The following THSD7B variants were observed in gnomAD, a reference collection of about 807,000 sequenced individuals.
THSD7B encodes the protein thrombospondin type-1 domain-containing protein 7B.
A neutral mutation model predicts 213.6 loss-of-function variants in THSD7B; 138 were observed. The observed-to-expected ratio is 0.65, with a 90% CI of 0.56 to 0.74. THSD7B has a LOEUF of 0.74. Ranked by LOEUF, THSD7B falls within the 30% of genes least tolerant of loss-of-function variation. THSD7B has a pLI of 0.00. For synonymous variants in THSD7B, 742 were observed against 687.0 expected (o/e 1.08, Z -1.25); for missense variants, 1,931 against 1,991.5 (o/e 0.97, Z 0.58).
At chr2:137,431,017 A>G (rs1687169512) in intron 14 of THSD7B, among the ~76,000 whole-genome samples, 1 of 152,224 alleles carries the variant, frequency 6.6e-6, no homozygotes. Context: ...GTCAAACTCT[A>G]TAAAATATTT....
chr2:136,981,463 G>T (rs773233965), intron 2 of THSD7B, among the ~76,000 whole-genome samples: 1 of 152,076 alleles, frequency 6.6e-6, no homozygotes, highest in Non-Finnish European at 1.5e-5. Flanking sequence ...TTTGCATTTT[G>T]CTCATCATTA....
At chr2:136,783,199 A>G (rs2710169) in intron 1 of THSD7B, among the ~76,000 whole-genome samples, 1,938 of 152,262 alleles carry the variant, frequency 0.013, 47 homozygotes, top group African/African-American at 0.043. Context: ...GTCCATTCTC[A>G]TCTTGTTTTC....
chr2:137,574,366 T>G (rs1262895353), intron 17 of THSD7B, among the ~76,000 whole-genome samples: 4 of 152,112 alleles, frequency 2.6e-5, no homozygotes, highest in Admixed American at 2.6e-4. Context: ...CCTCCTTTCA[T>G]GTGTCAGAAA....
intron 17 of THSD7B, among the ~76,000 whole-genome samples, chr2:137,586,229 C>A (rs1681723308): frequency 6.6e-6 from 1 of 152,140 alleles, no homozygotes; most frequent in Non-Finnish European, 1.5e-5. Context: ...CTATGTGTGT[C>A]CCTGCACATG....
At chr2:136,872,814 C>A (rs138957380) in intron 1 of THSD7B, among the ~76,000 whole-genome samples, 196 of 65,542 alleles carry the variant, frequency 3.0e-3, no homozygotes, top group Admixed American at 3.2e-3. Context: ...ACTGAAAATA[C>A]AAAAAAAAAA....
chr2:137,025,794 G>A (rs1355913862), intron 2 of THSD7B, among the ~76,000 whole-genome samples: 1 of 152,008 alleles, frequency 6.6e-6, no homozygotes, highest in African/African-American at 2.4e-5. Flanking sequence ...AGGAGATTGG[G>A]GGTAATAGGG....
At chr2:137,062,973 G>C (rs562115574) in intron 3 of THSD7B, among the ~76,000 whole-genome samples, 3 of 151,874 alleles carry the variant, frequency 2.0e-5, no homozygotes, top group Non-Finnish European at 4.4e-5. Context: ...CATAGATTTT[G>C]ACACTCTGTT....
At chr2:137,064,351 A>T (rs922862879) in intron 3 of THSD7B, among the ~76,000 whole-genome samples, 1 of 151,800 alleles carries the variant, frequency 6.6e-6, no homozygotes, top group Non-Finnish European at 1.5e-5. Flanking sequence ...TTTAAATTGT[A>T]TTATTATATT....
At chr2:136,992,281 T>A (rs1043754297) in intron 2 of THSD7B, among the ~76,000 whole-genome samples, 1 of 152,248 alleles carries the variant, frequency 6.6e-6, no homozygotes, top group Non-Finnish European at 1.5e-5. Flanking sequence ...TTAGCAGAAC[T>A]TGTACTGATT....
At chr2:137,625,966 G>C (rs375769922) in intron 20 of THSD7B, among the ~76,000 whole-genome samples, 36 of 152,270 alleles carry the variant, frequency 2.4e-4, no homozygotes, top group African/African-American at 8.4e-4. Context: ...AAAGCTTATA[G>C]CTTAGACTCT....
intron 20 of THSD7B, among the ~76,000 whole-genome samples, chr2:137,628,424 C>A (rs904492763): frequency 7.2e-5 from 11 of 152,136 alleles, no homozygotes; most frequent in African/African-American, 2.7e-4. Context: ...ACTTAGAATT[C>A]AGCACTGGGG....
intron 3 of THSD7B, among the ~76,000 whole-genome samples, chr2:137,061,454 C>G (rs1299853271): frequency 6.7e-6 from 1 of 148,962 alleles, no homozygotes; most frequent in Admixed American, 6.7e-5. Context: ...GGAAAGAAAT[C>G]TATGCTGTCA....
intron 17 of THSD7B, among the ~76,000 whole-genome samples, chr2:137,596,989 G>A (rs551576317): frequency 2.6e-5 from 4 of 152,164 alleles, no homozygotes; most frequent in South Asian, 4.1e-4. Flanking sequence ...GATTAGTTTC[G>A]TAAATATTTA....
intron 7 of THSD7B, among the ~76,000 whole-genome samples, chr2:137,223,706 A>C (rs567440884): frequency 4.7e-4 from 71 of 152,296 alleles, no homozygotes; most frequent in African/African-American, 1.7e-3. Flanking sequence ...GACCCCCTCA[A>C]TGTAACATTT....
At chr2:137,355,029 TGTA>T (rs1487530465) in intron 12 of THSD7B, among the ~76,000 whole-genome samples, 1 of 152,170 alleles carries the variant, frequency 6.6e-6, no homozygotes, top group Non-Finnish European at 1.5e-5. Flanking sequence ...CAAAACAAAA[TGTA>T]GTAAGCATCC....
At chr2:136,981,365 A>G (rs962867203) in intron 2 of THSD7B, among the ~76,000 whole-genome samples, 4 of 152,212 alleles carry the variant, frequency 2.6e-5, no homozygotes, top group East Asian at 3.9e-4. Flanking sequence ...TATATACACT[A>G]TGGGCCCTGG....
intron 2 of THSD7B, among the ~76,000 whole-genome samples, chr2:136,912,929 A>C (rs1684290554): frequency 6.6e-6 from 1 of 152,236 alleles, no homozygotes; most frequent in Admixed American, 6.5e-5. Context: ...GCGTTGCTGA[A>C]AAGATACCCA....
chr2:137,037,396 T>G (rs1686797326), intron 2 of THSD7B, among the ~76,000 whole-genome samples: 2 of 143,424 alleles, frequency 1.4e-5, no homozygotes, highest in African/African-American at 2.4e-5. Flanking sequence ...GTTTTTGAAC[T>G]GATATATGTA....
At chr2:137,046,458 G>T (rs1378748582) in intron 2 of THSD7B, among the ~76,000 whole-genome samples, 1 of 152,098 alleles carries the variant, frequency 6.6e-6, no homozygotes, top group Non-Finnish European at 1.5e-5. Flanking sequence ...AGCGGGGTGT[G>T]GTGGCTCACG....
Sources: gnomAD v4.1 joint callset for allele counts (sites outside exome capture counted in the v4.1 genomes callset) on GRCh38, gnomAD v4.1.1 for gene constraint, MANE v1.5 for transcripts, NCBI Gene and HGNC (gene_info 2026-07-23, HGNC 2026-07-21) for gene names.